CNTNAP5: variants seen among roughly 807,000 people sequenced by gnomAD.
CNTNAP5 encodes contactin associated protein family member 5, also known as contactin-associated protein-like 5.
CNTNAP5 carries 72 observed loss-of-function variants against 150.2 expected under a neutral mutation model. That is an observed-to-expected ratio of 0.48 (90% CI 0.40 to 0.58). The LOEUF (loss-of-function observed/expected upper bound fraction) is 0.58, where lower values mean the gene tolerates loss of function less well. CNTNAP5 is among the 20% of genes least tolerant of loss of function. The probability of loss-of-function intolerance (pLI) is 0.00; values close to 1 mark genes in which losing one functional copy is unlikely to be tolerated. For synonymous variants in CNTNAP5, 672 were observed against 619.8 expected (o/e 1.08, Z -1.25); for missense variants, 1,636 against 1,626.2 (o/e 1.01, Z -0.10).
chr2:124,368,809 CA>C (rs1300717698), intron 3 of CNTNAP5, among the ~76,000 whole-genome samples: 1 of 151,846 alleles, frequency 6.6e-6, no homozygotes, highest in Non-Finnish European at 1.5e-5. Flanking sequence ...AAAATAAGAA[CA>C]AAAAATATTT....
intron 3 of CNTNAP5, among the ~76,000 whole-genome samples, chr2:124,322,106 C>T (rs1386137048): frequency 6.6e-6 from 1 of 151,846 alleles, no homozygotes; most frequent in Non-Finnish European, 1.5e-5. Context: ...GCCAAGATTG[C>T]ACCACTGCAC....
chr2:124,671,450 A>C (rs2105057790), intron 13 of CNTNAP5, among the ~76,000 whole-genome samples: 1 of 152,300 alleles, frequency 6.6e-6, no homozygotes, highest in Non-Finnish European at 1.5e-5. Context: ...AGGATTAAAG[A>C]AAATTATTTT....
At chr2:124,173,902 G>T (rs1487143905) in intron 1 of CNTNAP5, among the ~76,000 whole-genome samples, 1 of 152,106 alleles carries the variant, frequency 6.6e-6, no homozygotes, top group Non-Finnish European at 1.5e-5. Flanking sequence ...CACAGAACAG[G>T]CTCTTTCTAG....
intron 9 of CNTNAP5, among the ~76,000 whole-genome samples, 184 bp from the exon 10 acceptor site, chr2:124,527,101 C>A (rs1694985929): frequency 6.6e-6 from 1 of 152,100 alleles, no homozygotes; most frequent in Non-Finnish European, 1.5e-5. Flanking sequence ...ATGGAGTATA[C>A]CCTATTTTGT....
chr2:124,629,278 G>A (rs750468095), intron 12 of CNTNAP5, among the ~76,000 whole-genome samples: 9 of 152,054 alleles, frequency 5.9e-5, no homozygotes, highest in Non-Finnish European at 1.0e-4. Flanking sequence ...GCACCACAGG[G>A]CACTTACTCT....
At chr2:124,093,215 G>A (rs535218567) in intron 1 of CNTNAP5, among the ~76,000 whole-genome samples, 49 of 152,230 alleles carry the variant, frequency 3.2e-4, no homozygotes, top group African/African-American at 1.1e-3. Context: ...TCTCATTCTG[G>A]TACATTCTTG....
intron 1 of CNTNAP5, among the ~76,000 whole-genome samples, chr2:124,117,069 T>G (rs1683445589): frequency 6.6e-6 from 1 of 152,200 alleles, no homozygotes; most frequent in Non-Finnish European, 1.5e-5. Flanking sequence ...CCTAACAGAG[T>G]AGCACACACT....
intron 1 of CNTNAP5, among the ~76,000 whole-genome samples, chr2:124,099,397 C>T (rs1293997724): frequency 1.3e-5 from 2 of 152,242 alleles, no homozygotes; most frequent in East Asian, 3.9e-4. Flanking sequence ...TAACATTCAC[C>T]AAGTATTGAA....
chr2:124,551,227 G>C (rs547900052), intron 10 of CNTNAP5, among the ~76,000 whole-genome samples: 1 of 152,038 alleles, frequency 6.6e-6, no homozygotes, highest in Non-Finnish European at 1.5e-5. Context: ...GGGGATCATC[G>C]CAACAATCTG....
At position 124,869,986 on chromosome 2, in the gene CNTNAP5, C is replaced by A. The variant is rs181524989; in HGVS notation, c.3436+224C>A. ...ATAAAAACTTGCAAGAGGTAAAATA[C>A]TAAAATAATTTAGCAGAATACTTAA... On this transcript the variant is annotated intron_variant, in intron 21 of 23. Transcript: ENST00000682447. 4.1e-3 allele frequency among the ~76,000 whole-genome samples: 620 copies of A among 152,100 alleles called. 3 individuals are homozygous for A. The highest frequency in any genetic ancestry group is 0.014 in the African/African-American group (577 of 41,526).
chr2:124,514,976 A>C (rs954853701), intron 8 of CNTNAP5, among the ~76,000 whole-genome samples: 1 of 152,206 alleles, frequency 6.6e-6, no homozygotes, highest in Non-Finnish European at 1.5e-5. Context: ...TCAGCATTCA[A>C]GTCTACCAAG....
At chr2:124,499,772 A>G (rs1013071381) in intron 7 of CNTNAP5, among the ~76,000 whole-genome samples, 6 of 152,162 alleles carry the variant, frequency 3.9e-5, no homozygotes, top group African/African-American at 1.4e-4. Context: ...TCACTCTCCC[A>G]CATTGTTATT....
At position 124,772,866 on chromosome 2, in the gene CNTNAP5, T is replaced by C; in HGVS notation, c.2601T>C (p.Pro867=). Residue 867 remains proline (P), a synonymous_variant, in exon 17 of 24, where the codon CCT becomes CCC. Coordinates refer to ENST00000682447, the MANE Select transcript of CNTNAP5 (RefSeq NM_001367498.1). ...CTGTGGAGCTTGTAGTCCAGTCTCC[T>C]TCTCTTCTGAATGACAACCAATGGC... is the stretch of plus-strand genomic sequence containing the variant. ...NGPVELVVQS[P]SLLNDNQWHY... 1 of 1,613,754 alleles carries C rather than the reference T, an allele frequency of 6.2e-7. No homozygotes were observed. The highest frequency in any genetic ancestry group is 8.5e-7 in the Non-Finnish European group (1 of 1,179,706).
intron 3 of CNTNAP5, among the ~76,000 whole-genome samples, chr2:124,357,523 A>G (rs1300256923): frequency 6.6e-6 from 1 of 151,928 alleles, no homozygotes; most frequent in Non-Finnish European, 1.5e-5. Context: ...CTTTCTACAT[A>G]TGGCTAGCCA....
In CNTNAP5 at chr2:124,437,550, TA is replaced by T. The variant is rs894599904; in HGVS notation, c.733+2871del. The stretch of plus-strand genomic sequence containing the variant: ...AGTTTTAGAAAACCGGAAAATAATA[TA>T]AAAAAAAGAAAAATCCAACTCTTAC... On this transcript the variant is annotated intron_variant, in intron 5 of 23. Transcript: ENST00000682447. 3.9e-3 allele frequency among the ~76,000 whole-genome samples: 586 copies of T among 152,032 alleles called. 2 individuals are homozygous for T. The highest frequency in any genetic ancestry group is 0.013 in the African/African-American group (553 of 41,538).
intron 13 of CNTNAP5, among the ~76,000 whole-genome samples, chr2:124,732,038 G>A (rs1680283065): frequency 6.6e-6 from 1 of 152,020 alleles, no homozygotes; most frequent in Non-Finnish European, 1.5e-5. Context: ...TTTCATCTTA[G>A]TATATTTTAC....
chr2:124,799,558 G>A (rs945685996), intron 19 of CNTNAP5, among the ~76,000 whole-genome samples: 3 of 152,342 alleles, frequency 2.0e-5, no homozygotes, highest in East Asian at 1.9e-4. Context: ...GTTTCTGCAC[G>A]GACAGTGGTG....
chr2:124,369,355 C>G (rs550395487), intron 3 of CNTNAP5, among the ~76,000 whole-genome samples: 11 of 152,036 alleles, frequency 7.2e-5, no homozygotes, highest in African/African-American at 2.7e-4. Context: ...GTGGTTTTAG[C>G]TGAATCATCT....
At chr2:124,772,514 C>T (rs923370694) in intron 16 of CNTNAP5, among the ~76,000 whole-genome samples, 6 of 152,126 alleles carry the variant, frequency 3.9e-5, no homozygotes, top group Non-Finnish European at 2.9e-5. Context: ...CCAGAAAATC[C>T]AGGGCCTCGG....
Sources: gnomAD v4.1 joint callset for allele counts (sites outside exome capture counted in the v4.1 genomes callset) on GRCh38, gnomAD v4.1.1 for gene constraint, MANE v1.5 for transcripts, NCBI Gene and HGNC (gene_info 2026-07-23, HGNC 2026-07-21) for gene names.